The following TREML2 variants were observed in gnomAD, a reference collection of about 807,000 sequenced individuals.
The protein encoded by TREML2 is trem-like transcript 2 protein.
A neutral mutation model predicts 25.9 loss-of-function variants in TREML2; 24 were observed. The ratio of observed to expected loss-of-function variants is 0.93; its 90% confidence interval spans 0.67 to 1.30. The LOEUF (loss-of-function observed/expected upper bound fraction) is 1.30. Among genes scored for constraint, TREML2 ranks in the 50% most tolerant of loss-of-function variants. TREML2 has a pLI of 0.00. For synonymous variants in TREML2, 139 were observed against 155.2 expected (o/e 0.90, Z 0.77); for missense variants, 359 against 395.6 (o/e 0.91, Z 0.78).
chr6:41,198,332 C>T lies in TREML2; in HGVS notation c.153G>A (p.Glu51=). The T allele has an allele frequency of 1.9e-6, 3 of 1,614,224 alleles. No individual in the cohort carries two copies. Among genetic ancestry groups the T allele is most frequent in the Non-Finnish European group, 2.5e-6 (3 of 1,180,008 alleles). The change falls in exon 2 of 5, where the codon GAG becomes GAA. Residue 51 remains glutamate (E), a synonymous_variant. Coordinates refer to ENST00000483722, the MANE Select transcript of TREML2 (RefSeq NM_024807.4). ...CSYKGYKNRV[E]GKVWCKIRKK... is the part of the protein sequence containing the mutation. ...TCCTGATTTTGCACCAAACCTTGCC[C>T]TCCACGCGGTTTTTGTAGCCCTTAT... is the stretch of plus-strand genomic sequence containing the variant.
In TREML2 at chr6:41,194,498, T is replaced by A. The variant is rs771412277; in HGVS notation, c.712A>T (p.Arg238Ter). 4.3e-6 allele frequency: 7 copies of A among 1,613,342 alleles called. No individual in the cohort carries two copies. The East Asian group carries it at 1.6e-4, about 36-fold the overall frequency. ...AGGCAGAGCCCTGTGGTGGGCGATC[T>A]GGTGCTGAGGTCCCCAGACTTAGTG... The part of the protein sequence containing the change: ...ISTKSGDLST[R>*]SPTTGLCLTS... Residue 238 changes from arginine (R) to a stop codon, truncating the protein, a stop_gained, in exon 3 of 5, where the codon AGA (arginine) becomes TGA (stop). Coordinates refer to ENST00000483722, the MANE Select transcript of TREML2 (RefSeq NM_024807.4). LOFTEE classifies it high-confidence loss of function.
chr6:41,193,386 T>C (rs2113903260), intron 3 of TREML2, among the ~76,000 whole-genome samples: 1 of 152,242 alleles, frequency 6.6e-6, no homozygotes, highest in African/African-American at 2.4e-5. Context: ...GAGCCCTCTA[T>C]GCCACACACA....
intron 1 of TREML2, 49 bp downstream of exon 1, chr6:41,200,905 G>A (rs1025560992): frequency 2.9e-5 from 43 of 1,459,602 alleles, no homozygotes; most frequent in Non-Finnish European, 3.3e-5. Flanking sequence ...CTGAGCTCCT[G>A]CCTCTGTACC....
intron 2 of TREML2, among the ~76,000 whole-genome samples, chr6:41,196,475 G>A (rs188729486): frequency 2.6e-5 from 4 of 152,248 alleles, no homozygotes; most frequent in South Asian, 2.1e-4. Context: ...AGGACCCCAC[G>A]GCTTGGTGCT....
chr6:41,198,507 G>A, intron 1 of TREML2, 78 bp from the exon 2 acceptor site: 1 of 1,417,624 alleles, frequency 7.1e-7, no homozygotes, highest in Non-Finnish European at 9.7e-7. Flanking sequence ...AGATCATGGT[G>A]AAGGGTAGAG....
In TREML2 at chr6:41,194,611, T is replaced by A. The variant is rs774329903; in HGVS notation, c.599A>T (p.Gln200Leu). Reference sequence around the variant, plus strand: ...GGACCCCATGGTCCTCCTGGGTCCCTGGCTGGTGGTGCTGGTAGCAGTGAA... The same window carrying A: ...GGACCCCATGGTCCTCCTGGGTCCCAGGCTGGTGGTGCTGGTAGCAGTGAA... ...YSFTATSTTSQGPRRTMGSQT... is the reference protein window; with the variant it reads ...YSFTATSTTSLGPRRTMGSQT... The change falls in exon 3 of 5, where the codon CAG becomes CTG. Residue 200 changes from glutamine (Q) to leucine (L), a missense_variant. By Grantham distance (113) the Gln-to-Leu change is moderately radical (BLOSUM62 -2). Transcript: ENST00000483722. 10 of 1,614,054 alleles carry A rather than the reference T, an allele frequency of 6.2e-6. No homozygotes were observed. The highest frequency in any genetic ancestry group is 8.5e-6 in the Non-Finnish European group (10 of 1,180,000).
rs567309291 is a variant in TREML2 at position 41,193,946 on chromosome 6, C to A, written c.785+479G>T. On this transcript the variant is annotated intron_variant, in intron 3 of 4. Coordinates refer to ENST00000483722, the MANE Select transcript of TREML2 (RefSeq NM_024807.4). ...CCCTGACCCTAATGCCCCCGACTCT[C>A]ATAGTCCCCTGCCCTCATCCCTGCA... Among the ~76,000 whole-genome samples the A allele has an allele frequency of 5.5e-5, 7 of 127,554 alleles. No homozygotes were observed. The Admixed American group carries it at 5.6e-4, about 10-fold the overall frequency. The allele number at this position is 127,554 out of a possible 152,430, so 83.7% of individuals were successfully genotyped here.
In TREML2 at chr6:41,198,210, A is replaced by C; in HGVS notation, c.275T>G (p.Met92Arg). The change falls in exon 2 of 5, where the codon ATG becomes AGG. Residue 92 changes from methionine to arginine, a missense_variant. Physicochemically the swap from Met to Arg is moderately conservative, Grantham distance 91 (BLOSUM62 -1). Transcript: ENST00000483722. ...TGAGTCCTGGAGCTTGAGGGCCACC[A>C]TGGTGATGTTGACCACCTTGGCCTG... ...DAQAKVVNIT[M>R]VALKLQDSGR... The C allele has an allele frequency of 6.2e-7, 1 of 1,614,250 alleles. No individual in the cohort carries two copies. The highest frequency in any genetic ancestry group is 1.1e-5 in the South Asian group (1 of 91,092).
At chr6:41,197,220 A>G (rs1206726948) in intron 2 of TREML2, among the ~76,000 whole-genome samples, 1 of 152,202 alleles carries the variant, frequency 6.6e-6, no homozygotes, top group Non-Finnish European at 1.5e-5. Flanking sequence ...ACCCGTGTTC[A>G]TACCATTCAC....
At chr6:41,193,465 A>G (rs1338067908) in intron 3 of TREML2, among the ~76,000 whole-genome samples, 1 of 151,914 alleles carries the variant, frequency 6.6e-6, no homozygotes, top group Non-Finnish European at 1.5e-5. Context: ...TGCCCTTCAG[A>G]TGTGTGTTTT....
At chr6:41,194,008 C>T (rs1371421113) in intron 3 of TREML2, among the ~76,000 whole-genome samples, 1 of 144,850 alleles carries the variant, frequency 6.9e-6, no homozygotes, top group Admixed American at 6.9e-5. Context: ...CGACCCTCCT[C>T]TCTGCTGACA....
intron 3 of TREML2, among the ~76,000 whole-genome samples, chr6:41,193,714 C>A (rs1766107124): frequency 6.6e-6 from 1 of 151,592 alleles, no homozygotes; most frequent in African/African-American, 2.4e-5. Context: ...CTATCCTCAC[C>A]CTCTCCTCTC....
In TREML2 at chr6:41,198,286, AG is replaced by A; in HGVS notation, c.198del (p.Phe67LeufsTer6). On this transcript the variant is annotated frameshift_variant, in exon 2 of 5. Coordinates refer to ENST00000483722, the MANE Select transcript of TREML2 (RefSeq NM_024807.4). LOFTEE classifies it high-confidence loss of function. ...CKIRKKKCEP[G>X]FARVWVKGPR... ...GGCCCTTTCACCCAGACTCGGGCAA[AG>A]CCAGGCTCACACTTCTTCTTCCTGA... 6.2e-7 allele frequency: 1 copy of A among 1,614,204 alleles called. No individual in the cohort carries two copies. Among genetic ancestry groups the A allele is most frequent in the Non-Finnish European group, 8.5e-7 (1 of 1,180,024 alleles).
Position 41,191,050 on chromosome 6 carries a change from A to T in TREML2, c.*1377T>A, listed in dbSNP as rs754050528. 4 of 152,302 alleles carry T rather than the reference A, an allele frequency of 2.6e-5. No homozygotes were observed. The highest frequency in any genetic ancestry group is 5.9e-5 in the Non-Finnish European group (4 of 68,322). 9.4% of individuals were successfully genotyped at this position (152,302 alleles called of 1,614,324 possible). ...CCTGAAGTGGCCCCTCTGGCTGTCC[A>T]CCAGGGTCCTGGCTGTGTCACTCTC... On this transcript the variant is annotated 3_prime_UTR_variant, in exon 5 of 5. Transcript: ENST00000483722.
chr6:41,194,652 G>C lies in TREML2; in HGVS notation c.558C>G (p.Ser186=). 1 of 1,614,038 alleles carries C rather than the reference G, an allele frequency of 6.2e-7. No individual in the cohort carries two copies. Among genetic ancestry groups the C allele is most frequent in the Non-Finnish European group, 8.5e-7 (1 of 1,179,980 alleles). The part of the protein sequence containing the change: ...PRLLASTRPA[S]KTGYSFTATS... ...TAGCAGTGAAGCTGTAGCCTGTCTT[G>C]GAGGCAGGTCTGGTGGAGGCTAAGA... is the stretch of plus-strand genomic sequence containing the variant. Residue 186 remains serine, a synonymous_variant, in exon 3 of 5, where the codon TCC becomes TCG. Coordinates refer to ENST00000483722, the MANE Select transcript of TREML2 (RefSeq NM_024807.4).
At chr6:41,197,732 TGTGA>T (rs747993252) in intron 2 of TREML2, among the ~76,000 whole-genome samples, 1 of 152,252 alleles carries the variant, frequency 6.6e-6, no homozygotes, top group African/African-American at 2.4e-5. Context: ...AGTGCAGGAT[TGTGA>T]GTGTTTTTGC....
rs1582094990 is a variant in TREML2 at position 41,192,204 on chromosome 6, G to A, written c.*223C>T. On this transcript the variant is annotated 3_prime_UTR_variant, in exon 5 of 5. Coordinates refer to ENST00000483722, the MANE Select transcript of TREML2 (RefSeq NM_024807.4). ...ATTTCCTCGGGACTTTCTCCCTGATGCCCTTTGCTCTGGGCCCCTCCCCAG... is the reference window on the plus strand; with the variant it reads ...ATTTCCTCGGGACTTTCTCCCTGATACCCTTTGCTCTGGGCCCCTCCCCAG... 2 of 555,764 alleles carry A rather than the reference G, an allele frequency of 3.6e-6. No homozygotes were observed. The highest frequency in any genetic ancestry group is 2.9e-5 in the East Asian group (1 of 34,286). The allele number at this position is 555,764 out of a possible 1,614,324, so 34.4% of individuals were successfully genotyped here.
At chr6:41,198,655 A>AC (rs893279694) in intron 1 of TREML2, among the ~76,000 whole-genome samples, 1 of 151,980 alleles carries the variant, frequency 6.6e-6, no homozygotes, top group Admixed American at 6.6e-5. Context: ...TGGAGACACA[A>AC]CCCCCGCTCT....
At chr6:41,198,918 A>G (rs562428821) in intron 1 of TREML2, among the ~76,000 whole-genome samples, 6 of 152,322 alleles carry the variant, frequency 3.9e-5, no homozygotes, top group African/African-American at 1.4e-4. Flanking sequence ...GCTGGAGTGC[A>G]GTGGCACGAT....
Sources: gnomAD v4.1 joint callset for allele counts (sites outside exome capture counted in the v4.1 genomes callset) on GRCh38, gnomAD v4.1.1 for gene constraint, MANE v1.5 for transcripts, NCBI Gene and HGNC (gene_info 2026-07-23, HGNC 2026-07-21) for gene names.